MCCC1: variants seen among roughly 807,000 people sequenced by gnomAD.
MCCC1 encodes the protein methylcrotonoyl-CoA carboxylase subunit alpha, mitochondrial.
A neutral mutation model predicts 83.8 loss-of-function variants in MCCC1; 64 were observed. The ratio of observed to expected loss-of-function variants is 0.76; its 90% CI spans 0.62 to 0.94. MCCC1 has a LOEUF of 0.94. MCCC1 is among the 40% of genes least tolerant of loss of function. The pLI is 0.00. For synonymous variants in MCCC1, 322 were observed against 315.4 expected (o/e 1.02, Z -0.22); for missense variants, 807 against 904.7 (o/e 0.89, Z 1.39).
Position 183,020,179 on chromosome 3 carries a change from T to C in MCCC1, c.1928A>G (p.Gln643Arg), listed in dbSNP as rs755699519. Residue 643 changes from glutamine (Q) to arginine (R), a missense_variant, in exon 17 of 19, where the codon CAA becomes CGA. Coordinates refer to ENST00000265594, the MANE Select transcript of MCCC1 (RefSeq NM_020166.5). ...VPKYLSSVSS[Q>R]ETQGGPLAPM... ...AGCTAAGGGGCCGCCCTGAGTTTCT[T>C]GTGAGCTCACAGAAGATAAGTATTT... 1 of 1,614,060 alleles carries C rather than the reference T, an allele frequency of 6.2e-7. No homozygotes were observed. The highest frequency in any genetic ancestry group is 1.3e-5 in the African/African-American group (1 of 74,950).
At chr3:183,026,380 G>A (rs968932719) in intron 14 of MCCC1, among the ~76,000 whole-genome samples, 3 of 152,064 alleles carry the variant, frequency 2.0e-5, no homozygotes, top group Admixed American at 6.5e-5. Context: ...AATATTTTAC[G>A]TATTTTTCCC....
chr3:183,114,811 CTGT>C (rs1328969571), intron 1 of MCCC1, among the ~76,000 whole-genome samples: 2 of 152,146 alleles, frequency 1.3e-5, no homozygotes, highest in Admixed American at 6.5e-5. Flanking sequence ...TCTCCACTGT[CTGT>C]TGTTGTTGCT....
At chr3:183,107,417 AAAAAG>A (rs1168355838) in intron 1 of MCCC1, among the ~76,000 whole-genome samples, 12 of 141,560 alleles carry the variant, frequency 8.5e-5, no homozygotes, top group African/African-American at 3.8e-4. Flanking sequence ...TCAAAAAAAA[AAAAAG>A]AAAAAGAAAA....
intron 1 of MCCC1, among the ~76,000 whole-genome samples, chr3:183,111,874 C>T (rs1390104898): frequency 1.3e-5 from 2 of 152,074 alleles, no homozygotes; most frequent in Non-Finnish European, 2.9e-5. Flanking sequence ...TATAATTATC[C>T]TATGAATAGC....
At chr3:183,070,273 AT>A (rs1716561700) in intron 7 of MCCC1, among the ~76,000 whole-genome samples, 1 of 152,178 alleles carries the variant, frequency 6.6e-6, no homozygotes, top group Non-Finnish European at 1.5e-5. Context: ...TATTACAATA[AT>A]TTGCTAATAT....
intron 4 of MCCC1, among the ~76,000 whole-genome samples, chr3:183,082,451 A>G (rs574869505): frequency 7.9e-5 from 12 of 152,352 alleles, no homozygotes; most frequent in African/African-American, 2.9e-4. Context: ...CTAAGTGTAC[A>G]GCTCTTAAGT....
intron 3 of MCCC1, among the ~76,000 whole-genome samples, chr3:183,088,632 C>T (rs566520539): frequency 6.6e-6 from 1 of 152,216 alleles, no homozygotes; most frequent in Non-Finnish European, 1.5e-5. Flanking sequence ...GATAGAACAT[C>T]CACTATAATA....
In MCCC1 at chr3:183,015,277, T is replaced by C; in HGVS notation, c.*161A>G. ...GTATGAAATATTTTGAGATAATTAGTGACCCAAATGCATGATTCTCCAATA... is the reference window on the plus strand; with the variant it reads ...GTATGAAATATTTTGAGATAATTAGCGACCCAAATGCATGATTCTCCAATA... On this transcript the variant is annotated 3_prime_UTR_variant, in exon 19 of 19. Coordinates refer to ENST00000265594, the MANE Select transcript of MCCC1 (RefSeq NM_020166.5). 1.3e-6 allele frequency: 1 copy of C among 750,080 alleles called. No homozygotes were observed. The highest frequency in any genetic ancestry group is 1.5e-5 in the South Asian group (1 of 66,680). The allele number at this position is 750,080 out of a possible 1,614,324, so 46.5% of individuals were successfully genotyped here. A position where few individuals can be genotyped will look rare whatever the true frequency, so the allele number is the denominator to read the frequency against.
In MCCC1 at chr3:183,035,636, A is replaced by C. The variant is rs547533420; in HGVS notation, c.1595-1559T>G. The stretch of plus-strand genomic sequence containing the variant: ...TTGAGCATCATGTTAGTGCTGAAAA[A>C]GCTTCCGATTCTGGAGCATTTTGGA... On this transcript the variant is annotated intron_variant, in intron 13 of 18. Transcript: ENST00000265594. Among the ~76,000 whole-genome samples, 9 of 152,176 alleles carry C rather than the reference A, an allele frequency of 5.9e-5. No individual in the cohort carries two copies. In the South Asian group the frequency reaches 1.9e-3, roughly 32 times the overall value.
chr3:183,099,672 G>A, upstream of MCCC1: 1 of 604,492 alleles, frequency 1.7e-6, no homozygotes, highest in South Asian at 2.0e-5. Context: ...TGCTCGTGGG[G>A]GTGTGGCCTT....
rs555305564 is a variant in MCCC1, at chr3:183,092,613, G to A, written c.137-68C>T. The A allele has an allele frequency of 2.1e-5, 33 of 1,593,336 alleles. No homozygotes were observed. In the African/African-American group the frequency reaches 2.4e-4, roughly 12 times the overall value. On this transcript the variant is annotated intron_variant, in intron 2 of 18. Transcript: ENST00000265594. Reference sequence around the variant, plus strand: ...GAGCAAAGAATGAGAATGAGAATACGATCTTAACTGGCTGATAAGGACTCG... The same window carrying A: ...GAGCAAAGAATGAGAATGAGAATACAATCTTAACTGGCTGATAAGGACTCG...
At position 183,015,324 on chromosome 3, in the gene MCCC1, A is replaced by T; in HGVS notation, c.*114T>A. ...AATATGAAAGGTGTTCAGCATAAGC[A>T]TACAATCATTTAGTAAAACTGCTCT... On this transcript the variant is annotated 3_prime_UTR_variant, in exon 19 of 19. Transcript: ENST00000265594. The T allele has an allele frequency of 9.3e-7, 1 of 1,075,230 alleles. No individual in the cohort carries two copies. The highest frequency in any genetic ancestry group is 1.3e-5 in the South Asian group (1 of 79,776). 66.6% of individuals were successfully genotyped at this position (1,075,230 alleles called of 1,614,324 possible). A position where few individuals can be genotyped will look rare whatever the true frequency, so the allele number is the denominator to read the frequency against.
chr3:183,071,695 AC>A (rs1160293499), intron 5 of MCCC1, among the ~76,000 whole-genome samples: 1 of 124,806 alleles, frequency 8.0e-6, no homozygotes, highest in Non-Finnish European at 1.7e-5. Context: ...TATAGGTAAA[AC>A]AAACTATTTC....
Position 183,086,798 on chromosome 3 carries a change from A to G in MCCC1, c.274-10T>C. 6.2e-7 allele frequency: 1 copy of G among 1,612,440 alleles called. No homozygotes were observed. The highest frequency in any genetic ancestry group is 1.3e-5 in the African/African-American group (1 of 75,028). On this transcript the variant is annotated splice_polypyrimidine_tract_variant and intron_variant, in intron 3 of 18. Transcript: ENST00000265594. ...AATATGCTTCATCTGCCTGTTTAAG[A>G]AACATCACATGCTTAAAAGACTTTG...
At chr3:183,038,557 A>C (rs1577269262) in intron 12 of MCCC1, among the ~76,000 whole-genome samples, 1 of 152,382 alleles carries the variant, frequency 6.6e-6, no homozygotes, top group East Asian at 1.9e-4. Context: ...AATGTTCTAC[A>C]GAAAAATAAC....
chr3:183,071,475 G>A, intron 5 of MCCC1, 118 bp from the exon 6 acceptor site: 1 of 1,416,686 alleles, frequency 7.1e-7, no homozygotes, highest in South Asian at 1.2e-5. Context: ...AAAACATCGA[G>A]TCTGAGACGA....
chr3:183,052,288 T>C (rs2108497233), intron 8 of MCCC1, 48 bp from the exon 9 acceptor site: 2 of 1,533,732 alleles, frequency 1.3e-6, no homozygotes, highest in Non-Finnish European at 1.8e-6. Flanking sequence ...CTTGCCTTAC[T>C]AGAAATTCCA....
At chr3:183,046,168 C>A (rs1366932509) in intron 9 of MCCC1, among the ~76,000 whole-genome samples, 2 of 152,166 alleles carry the variant, frequency 1.3e-5, no homozygotes, top group Non-Finnish European at 2.9e-5. Flanking sequence ...ACATTTCCAT[C>A]ATCCAAAAAG....
intron 10 of MCCC1, among the ~76,000 whole-genome samples, chr3:183,042,623 C>T (rs192184235): frequency 1.3e-5 from 2 of 150,824 alleles, no homozygotes; most frequent in East Asian, 2.0e-4. Flanking sequence ...TCAGGATGCA[C>T]AGCAGTTAAG....
Sources: gnomAD v4.1 joint callset for allele counts (sites outside exome capture counted in the v4.1 genomes callset) on GRCh38, gnomAD v4.1.1 for gene constraint, MANE v1.5 for transcripts, NCBI Gene and HGNC (gene_info 2026-07-23, HGNC 2026-07-21) for gene names.